Variants in MYH14 observed in about 807,000 individuals in gnomAD.
The protein encoded by MYH14 is myosin heavy chain 14.
In MYH14, 123 loss-of-function variants were observed where a neutral mutation model predicts 255.5. That is an observed-to-expected ratio of 0.48 (90% CI 0.42 to 0.56). The LOEUF (loss-of-function observed/expected upper bound fraction) is 0.56, where lower values mean the gene tolerates loss of function less well. Ranked by LOEUF, MYH14 falls within the 20% of genes least tolerant of loss-of-function variation. The pLI is 0.00. For missense variants in MYH14, 2,423 were observed against 2,802.3 expected, an observed-to-expected ratio of 0.86 and a Z score of 3.06; for synonymous variants, 1,095 against 1,161.2, an observed-to-expected ratio of 0.94 and a Z score of 1.16.
At chr19:50,309,608 C>T in intron 42 of MYH14, 32 bp from the exon 43 acceptor site, 1 of 1,270,754 alleles carries the variant, frequency 7.9e-7, no homozygotes, top group African/African-American at 1.5e-5. Context: ...CCCCTCATTT[C>T]ATCTCTGTAT....
intron 39 of MYH14, among the ~76,000 whole-genome samples, chr19:50,300,501 C>T (rs1042528727): frequency 1.3e-5 from 2 of 152,122 alleles, no homozygotes; most frequent in Non-Finnish European, 2.9e-5. Flanking sequence ...GTAATCCCAG[C>T]ACTTTGGGAG....
intron 1 of MYH14, among the ~76,000 whole-genome samples, chr19:50,207,257 AAGAGAGAGAGAGACAGAGAGAGAG>A (rs2031829500): frequency 3.7e-5 from 1 of 26,976 alleles, no homozygotes; most frequent in Non-Finnish European, 7.5e-5. Flanking sequence ...GAGAGAGAGA[AAGAGAGAGAGAGACAGAGAGAGAG>A]AGAGAGAGAG....
intron 37 of MYH14, among the ~76,000 whole-genome samples, chr19:50,292,905 G>A (rs2036134122): frequency 6.6e-6 from 1 of 151,916 alleles, no homozygotes; most frequent in Admixed American, 6.6e-5. Context: ...GGTGAGGGGG[G>A]CCGGAGGAGG....
At position 50,250,936 on chromosome 19, in the gene MYH14, A is replaced by G. The variant is rs1365298827; in HGVS notation, c.1830+248A>G. Among the ~76,000 whole-genome samples the G allele has an allele frequency of 6.6e-6, 1 of 152,184 alleles. No homozygotes were observed. The highest frequency in any genetic ancestry group is 2.4e-5 in the African/African-American group (1 of 41,438). On this transcript the variant is annotated intron_variant, in intron 15 of 42. Coordinates refer to ENST00000642316, the MANE Select transcript of MYH14 (RefSeq NM_001145809.2). The surrounding 1 kb of genome is among the most constrained non-coding windows in gnomAD (Gnocchi z 5.4). ...GTAGGAGTTCATCAGGAGGCGATCT[A>G]TGTGCATTTTATCCACTTATTCAGC... is the stretch of plus-strand genomic sequence containing the variant.
chr19:50,207,931 T>A (rs906813058), intron 1 of MYH14, among the ~76,000 whole-genome samples: 10 of 152,210 alleles, frequency 6.6e-5, no homozygotes, highest in Non-Finnish European at 1.5e-4. Flanking sequence ...CCAGGACCTT[T>A]GCACTGCTGT....
intron 22 of MYH14, among the ~76,000 whole-genome samples, chr19:50,264,055 CAAAAAAAAAAAAAAA>C (rs34015428): frequency 6.0e-5 from 2 of 33,420 alleles, no homozygotes; most frequent in African/African-American, 2.7e-4. Context: ...AACTCTGTCT[CAAAAAAAAAAAAAAA>C]AAAAAAGAGC....
At position 50,286,671 on chromosome 19, in the gene MYH14, A is replaced by C. The variant is rs1393534392; in HGVS notation, c.4729A>C (p.Ser1577Arg). ...GGCTGAGCTGGAGGCACTGCTGAGC[A>C]GCAAGGATGACGTCGGCAAGAGCGT... ...LRAELEALLS[S>R]KDDVGKSVHE... Residue 1577 changes from serine to arginine, a missense_variant, in exon 34 of 43, where the codon AGC (serine) becomes CGC (arginine). Around this residue, in one of 3 missense-constraint regions of MYH14, gnomAD observed 1,513 missense variants for 1,674.8 expected, o/e 0.90. Coordinates refer to ENST00000642316, the MANE Select transcript of MYH14 (RefSeq NM_001145809.2). 6.3e-7 allele frequency: 1 copy of C among 1,580,256 alleles called. No homozygotes were observed. Among genetic ancestry groups the C allele is most frequent in the Non-Finnish European group, 8.6e-7 (1 of 1,164,196 alleles).
chr19:50,241,210 G>A (rs765921717), intron 10 of MYH14, among the ~76,000 whole-genome samples: 10 of 152,152 alleles, frequency 6.6e-5, no homozygotes, highest in Non-Finnish European at 1.2e-4. Flanking sequence ...GCCCAGGCGG[G>A]CGGATCACGA....
In MYH14 at chr19:50,250,483, T is replaced by C; in HGVS notation, c.1657-32T>C. ...CCTGAGTGTCCAATATGTGGGGATC[T>C]GACTTACTCTCCCCCTGCTGTCAAT... On this transcript the variant is annotated intron_variant, in intron 14 of 42. Transcript: ENST00000642316. The surrounding 1 kb of genome is among the most constrained non-coding windows in gnomAD (Gnocchi z 5.4). 1 of 1,600,166 alleles carries C rather than the reference T, an allele frequency of 6.2e-7. No individual in the cohort carries two copies. Among genetic ancestry groups the C allele is most frequent in the Non-Finnish European group, 8.5e-7 (1 of 1,172,010 alleles).
intron 39 of MYH14, among the ~76,000 whole-genome samples, chr19:50,294,982 AGTT>A (rs1166889462): frequency 6.6e-6 from 1 of 151,098 alleles, no homozygotes; most frequent in Non-Finnish European, 1.5e-5. Flanking sequence ...ACCTTGATAT[AGTT>A]GTCCTAGAGA....
intron 8 of MYH14, among the ~76,000 whole-genome samples, chr19:50,228,299 A>G (rs2033207296): frequency 6.6e-6 from 1 of 151,452 alleles, no homozygotes; most frequent in South Asian, 2.1e-4. Flanking sequence ...AAAAAAAAAA[A>G]GGTTAAATTA....
intron 24 of MYH14, among the ~76,000 whole-genome samples, chr19:50,270,698 A>AT (rs923300024): frequency 4.1e-5 from 2 of 48,976 alleles, no homozygotes; most frequent in African/African-American, 1.8e-4. Flanking sequence ...TTTATTATTT[A>AT]TTTATTTTTT....
intron 6 of MYH14, 150 bp downstream of exon 6, chr19:50,224,327 C>G (rs982229715): frequency 4.7e-6 from 5 of 1,067,110 alleles, no homozygotes; most frequent in Non-Finnish European, 7.3e-6. Context: ...TCATGGCGGC[C>G]CTGCTGTGTG....
rs575998472 is a variant in MYH14, at chr19:50,287,179, A to G, written c.4752+485A>G. On this transcript the variant is annotated intron_variant, in intron 34 of 42. Coordinates refer to ENST00000642316, the MANE Select transcript of MYH14 (RefSeq NM_001145809.2). ...CATTTGCATCCATATAGACACACACAGCGTGAAGAGAATCTCCACCAAACA... is the reference window on the plus strand; with the variant it reads ...CATTTGCATCCATATAGACACACACGGCGTGAAGAGAATCTCCACCAAACA... 3.9e-5 allele frequency among the ~76,000 whole-genome samples: 6 copies of G among 152,350 alleles called. No individual in the cohort carries two copies. In the South Asian group the frequency reaches 1.2e-3, roughly 32 times the overall value.
intron 16 of MYH14, among the ~76,000 whole-genome samples, chr19:50,254,260 A>C (rs2034510085): frequency 6.6e-6 from 1 of 152,124 alleles, no homozygotes; most frequent in Admixed American, 6.5e-5. Flanking sequence ...AAAATGAGCA[A>C]GGTGAGTGGT....
intron 42 of MYH14, 70 bp from the exon 43 acceptor site, chr19:50,309,570 C>T (rs2036778444): frequency 4.1e-6 from 4 of 975,328 alleles, no homozygotes; most frequent in Non-Finnish European, 1.6e-6. Context: ...ATCTCTCTCT[C>T]TCCTCCCCCT....
At chr19:50,228,041 T>C (rs541328092) in intron 8 of MYH14, among the ~76,000 whole-genome samples, 2 of 152,280 alleles carry the variant, frequency 1.3e-5, no homozygotes, top group African/African-American at 4.8e-5. Context: ...CCCAGCACTT[T>C]GGGAGGCCAA....
chr19:50,264,257 A>G (rs776072746), intron 22 of MYH14, among the ~76,000 whole-genome samples: 5 of 152,118 alleles, frequency 3.3e-5, no homozygotes, highest in Admixed American at 6.6e-5. Context: ...CTTGATGTCC[A>G]GCGTTTTTCC....
Position 50,267,018 on chromosome 19 carries a change from C to CGGGGGGTGGGGGG in MYH14, c.2826+15_2826+16insGTGGGGGGGGGGG. ...GGGCCGAGTGGCACAGGTGAGGGGGCGGGGGCAGGGCGTGGGGGCGTGTCT... is the reference window on the plus strand; with the variant it reads ...GGGCCGAGTGGCACAGGTGAGGGGGCGGGGGGTGGGGGGGGGGGCAGGGCGTGGGGGCGTGTCT... On this transcript the variant is annotated intron_variant, in intron 23 of 42. Transcript: ENST00000642316. 1.5e-6 allele frequency: 1 copy of CGGGGGGTGGGGGG among 669,926 alleles called. No individual in the cohort carries two copies. The highest frequency in any genetic ancestry group is 1.9e-6 in the Non-Finnish European group (1 of 525,304). The allele number at this position is 669,926 out of a possible 1,614,324, so 41.5% of individuals were successfully genotyped here.
Sources: allele counts gnomAD v4.1 joint callset (sites outside exome capture counted in the v4.1 genomes callset), GRCh38; gene constraint gnomAD v4.1.1; regional missense constraint gnomAD v4.1.1; non-coding constraint Gnocchi (gnomAD v3.1); transcripts MANE v1.5; gene names NCBI Gene and HGNC (gene_info 2026-07-23, HGNC 2026-07-21).